The following USP31 variants were observed in gnomAD, a reference collection of about 807,000 sequenced individuals.
USP31 encodes ubiquitin specific peptidase 31.
USP31 carries 44 observed loss-of-function variants against 119.4 expected under a neutral mutation model. That is an observed-to-expected ratio of 0.37 (90% CI 0.29 to 0.47). The LOEUF is 0.47. USP31 is among the 20% of genes least tolerant of loss of function. The probability of loss-of-function intolerance (pLI) is 0.99; values close to 1 mark genes in which losing one functional copy is unlikely to be tolerated. For missense variants in USP31, 1,643 were observed against 1,730.2 expected (o/e 0.95, Z 0.89); for synonymous variants, 749 against 705.6 (o/e 1.06, Z -0.97).
chr16:23,130,547 C>A (rs1418564223), intron 1 of USP31, among the ~76,000 whole-genome samples: 1 of 152,206 alleles, frequency 6.6e-6, no homozygotes, highest in Non-Finnish European at 1.5e-5. Context: ...TAATGAGGGC[C>A]GGAACTACAG....
chr16:23,107,483 T>G (rs1902156189), intron 2 of USP31, among the ~76,000 whole-genome samples: 1 of 152,224 alleles, frequency 6.6e-6, no homozygotes, highest in East Asian at 1.9e-4. Flanking sequence ...AGAAGAATTA[T>G]CAAAAACTTT....
intron 2 of USP31, 75 bp from the exon 3 acceptor site, chr16:23,106,562 C>T: frequency 7.1e-7 from 1 of 1,402,830 alleles, no homozygotes; most frequent in South Asian, 1.3e-5. Context: ...TAGAGAATCA[C>T]ATATGATCTT....
chr16:23,090,546 G>T, intron 7 of USP31, 78 bp downstream of exon 7: 5 of 1,359,250 alleles, frequency 3.7e-6, no homozygotes, highest in South Asian at 2.0e-5. Flanking sequence ...AGAACTTTTT[G>T]CCCATGCTTT....
chr16:23,124,931 T>A (rs1039425115), intron 1 of USP31, among the ~76,000 whole-genome samples: 1 of 152,054 alleles, frequency 6.6e-6, no homozygotes, highest in Non-Finnish European at 1.5e-5. Context: ...TATCTACGCA[T>A]CAAAGGCAAG....
At chr16:23,125,131 C>G (rs1398177023) in intron 1 of USP31, among the ~76,000 whole-genome samples, 1 of 152,106 alleles carries the variant, frequency 6.6e-6, no homozygotes, top group African/African-American at 2.4e-5. Context: ...GTTGGTTGTT[C>G]TTGCTAAAAT....
At chr16:23,126,461 T>TAA (rs778289648) in intron 1 of USP31, among the ~76,000 whole-genome samples, 6 of 129,320 alleles carry the variant, frequency 4.6e-5, no homozygotes, top group African/African-American at 8.6e-5. Flanking sequence ...CGTCTCTACT[T>TAA]AAAAAAAAAA....
chr16:23,143,250 C>A (rs1903402974), intron 1 of USP31, among the ~76,000 whole-genome samples: 1 of 152,184 alleles, frequency 6.6e-6, no homozygotes, highest in African/African-American at 2.4e-5. Flanking sequence ...GCTAGCTGTT[C>A]TTTGCCAGCA....
chr16:23,148,788 G>A lies in USP31; in HGVS notation c.483C>T (p.Tyr161=), dbSNP rs778611865. The change falls in exon 1 of 16, where the codon TAC becomes TAT. Residue 161 remains tyrosine, a synonymous_variant. Coordinates refer to ENST00000219689, the MANE Select transcript of USP31 (RefSeq NM_020718.4). ...LFAEYLALGQ[Y]RAGRPEPSPD... is the part of the protein sequence containing the mutation. ...GCGAGGGCTCGGGCCGCCCCGCCCG[G>A]TACTGGCCCAGCGCCAGGTACTCGG... 4.6e-6 allele frequency: 7 copies of A among 1,538,022 alleles called. No individual in the cohort carries two copies. In the East Asian group the frequency reaches 1.9e-4, roughly 41 times the overall value.
chr16:23,129,473 G>T (rs1902961383), intron 1 of USP31, among the ~76,000 whole-genome samples: 1 of 152,136 alleles, frequency 6.6e-6, no homozygotes, highest in South Asian at 2.1e-4. Flanking sequence ...ATCTTTTAGA[G>T]ATATATACTT....
intron 1 of USP31, among the ~76,000 whole-genome samples, chr16:23,130,626 C>T (rs1264741703): frequency 1.3e-5 from 2 of 151,956 alleles, no homozygotes; most frequent in Non-Finnish European, 2.9e-5. Context: ...TGAAAGACTC[C>T]CCTAGGGAGT....
chr16:23,106,334 C>T (rs1902101902), intron 3 of USP31, 29 bp from the exon 4 acceptor site: 2 of 1,613,782 alleles, frequency 1.2e-6, no homozygotes, highest in Middle Eastern at 1.6e-4. Flanking sequence ...AGACGCTTGA[C>T]ATTAAAATCA....
At position 23,069,227 on chromosome 16, in the gene USP31, A is replaced by G. The variant is rs749144191; in HGVS notation, c.2878T>C (p.Ser960Pro). The G allele has an allele frequency of 7.4e-6, 12 of 1,614,164 alleles. No homozygotes were observed. In the Admixed American group the frequency reaches 1.7e-4, roughly 22 times the overall value. Reference sequence around the variant, plus strand: ...TTGCTCTGTGTATCTACGACACTGGAGTTCAATCTGCGGGTGTCCGATTCG... The same window carrying G: ...TTGCTCTGTGTATCTACGACACTGGGGTTCAATCTGCGGGTGTCCGATTCG... ...KDESDTRRLN[S>P]SVVDTQSKHS... Residue 960 changes from serine to proline, a missense_variant, in exon 16 of 16, where the codon TCC (serine) becomes CCC (proline). By Grantham distance (74) the Ser-to-Pro change is moderately conservative. Around this residue, in one of 5 missense-constraint regions of USP31, gnomAD observed 699 missense variants for 650.9 expected, o/e 1.07. Transcript: ENST00000219689.
rs756844315 is a variant in USP31, at chr16:23,149,169, G to GCCA, written c.99_101dup (p.Gly37dup). The GCCA allele has an allele frequency of 1.7e-6, 2 of 1,165,804 alleles. No homozygotes were observed. The highest frequency in any genetic ancestry group is 2.1e-6 in the Non-Finnish European group (2 of 942,160). 72.2% of individuals were successfully genotyped at this position (1,165,804 alleles called of 1,614,324 possible). ...CCCCGGGGCCCCCCGCGCCGCCGCC[G>GCCA]CCAGCGCGGCCGCTCCGAAACAGCC... is the stretch of plus-strand genomic sequence containing the variant. On this transcript the variant is annotated inframe_insertion, in exon 1 of 16. Transcript: ENST00000219689.
intron 11 of USP31, among the ~76,000 whole-genome samples, chr16:23,084,360 T>C (rs537798702): frequency 2.0e-4 from 31 of 152,356 alleles, no homozygotes; most frequent in African/African-American, 7.2e-4. Context: ...ATATCTACGC[T>C]GTTCAATATG....
chr16:23,108,635 T>C (rs905910350), intron 1 of USP31, among the ~76,000 whole-genome samples: 1 of 152,200 alleles, frequency 6.6e-6, no homozygotes, highest in Non-Finnish European at 1.5e-5. Context: ...TAGTGTGAAA[T>C]GTGAATGTAT....
intron 1 of USP31, chr16:23,115,834 A>AC: frequency 1.6e-5 from 15 of 947,592 alleles, no homozygotes; most frequent in Non-Finnish European, 1.9e-5. Flanking sequence ...TTTCCCTTAA[A>AC]GAAAAAAAAA....
intron 1 of USP31, among the ~76,000 whole-genome samples, chr16:23,111,189 A>G (rs1218470160): frequency 6.6e-6 from 1 of 152,182 alleles, no homozygotes; most frequent in South Asian, 2.1e-4. Context: ...CAGGGGAGGT[A>G]ACTGTACAAT....
At position 23,062,155 on chromosome 16, in the gene USP31, TGTG is replaced by T. The variant is rs1237514442; in HGVS notation, c.*5888_*5890del. Reference sequence around the variant, plus strand: ...AAAATGTTGAAAACACCAGGTAAATTGTGGTGTTTTGTAGGCAGCATGAGGCTC... The same window carrying T: ...AAAATGTTGAAAACACCAGGTAAATTGTGTTTTGTAGGCAGCATGAGGCTC... On this transcript the variant is annotated 3_prime_UTR_variant, in exon 16 of 16. Transcript: ENST00000219689. 1 of 152,618 alleles carries T rather than the reference TGTG, an allele frequency of 6.6e-6. No individual in the cohort carries two copies. Among genetic ancestry groups the T allele is most frequent in the Admixed American group, 6.5e-5 (1 of 15,272 alleles). The allele number at this position is 152,618 out of a possible 1,614,324, so 9.5% of individuals were successfully genotyped here.
intron 1 of USP31, among the ~76,000 whole-genome samples, chr16:23,132,885 T>C (rs1903072443): frequency 6.6e-6 from 1 of 152,106 alleles, no homozygotes; most frequent in Non-Finnish European, 1.5e-5. Context: ...GTTATTTTCA[T>C]CTCCTCCTCC....
Sources: allele counts gnomAD v4.1 joint callset (sites outside exome capture counted in the v4.1 genomes callset), GRCh38; gene constraint gnomAD v4.1.1; regional missense constraint gnomAD v4.1.1; transcripts MANE v1.5; gene names NCBI Gene and HGNC (gene_info 2026-07-23, HGNC 2026-07-21).